AKAP12: variants seen among roughly 807,000 people sequenced by gnomAD.
The protein encoded by AKAP12 is A-kinase anchor protein 12.
Under a neutral mutation model 79.9 loss-of-function variants are expected in AKAP12, and 32 were observed. The observed-to-expected ratio is 0.40, with a 90% CI of 0.30 to 0.54. The LOEUF (loss-of-function observed/expected upper bound fraction) is 0.54, where lower values mean the gene tolerates loss of function less well. Among genes scored for constraint, AKAP12 ranks in the 20% least tolerant of loss-of-function variants. The pLI, the probability that AKAP12 is intolerant of heterozygous loss-of-function variation, is 0.48. For synonymous variants in AKAP12, 808 were observed against 857.0 expected, an observed-to-expected ratio of 0.94 and a Z score of 1.00; for missense variants, 2,074 against 2,177.0, an observed-to-expected ratio of 0.95 and a Z score of 0.94.
Position 151,290,608 on chromosome 6 carries a change from C to CT in AKAP12, c.163-15125dup, listed in dbSNP as rs146195150. Among the ~76,000 whole-genome samples, 958 of 143,722 alleles carry CT rather than the reference C, an allele frequency of 6.7e-3. 8 individuals are homozygous for CT. The highest frequency in any genetic ancestry group is 0.015 in the African/African-American group (594 of 39,378). The allele number at this position is 143,722 out of a possible 152,430, so 94.3% of individuals were successfully genotyped here. On this transcript the variant is annotated intron_variant, in intron 2 of 4. Coordinates refer to ENST00000402676, the MANE Select transcript of AKAP12 (RefSeq NM_005100.4). Reference sequence around the variant, plus strand: ...GATGGTTCCCAGCCTTCACCAGATTCTTTTTTTTTTTTTTGAGATGGAGTT... The same window carrying CT: ...GATGGTTCCCAGCCTTCACCAGATTCTTTTTTTTTTTTTTTGAGATGGAGTT...
intron 2 of AKAP12, among the ~76,000 whole-genome samples, chr6:151,274,188 C>T (rs1776248846): frequency 1.3e-5 from 2 of 152,040 alleles, no homozygotes; most frequent in Non-Finnish European, 2.9e-5. Flanking sequence ...CCTGTCACCT[C>T]AGCCTCCCAA....
chr6:151,258,269 T>C (rs1397778201), intron 2 of AKAP12, among the ~76,000 whole-genome samples: 1 of 152,214 alleles, frequency 6.6e-6, no homozygotes, highest in Non-Finnish European at 1.5e-5. Flanking sequence ...ATTCTTCCTC[T>C]GGCAAATACA....
In AKAP12 at chr6:151,264,527, C is replaced by T. The variant is rs142596716; in HGVS notation, c.162+23803C>T. ...CTCTACTAAAAATAGAAAAATTAGC[C>T]AGGTGTGGTGGCAGGCATCTGTAAT... is the stretch of plus-strand genomic sequence containing the variant. On this transcript the variant is annotated intron_variant, in intron 2 of 4. Transcript: ENST00000402676. Among the ~76,000 whole-genome samples the T allele has an allele frequency of 5.9e-3, 896 of 151,596 alleles. 5 individuals are homozygous for T. The highest frequency in any genetic ancestry group is 9.0e-3 in the Non-Finnish European group (613 of 67,890).
At chr6:151,264,197 G>C (rs1797499070) in intron 2 of AKAP12, among the ~76,000 whole-genome samples, 1 of 152,126 alleles carries the variant, frequency 6.6e-6, no homozygotes, top group Non-Finnish European at 1.5e-5. Flanking sequence ...AAGTGGAGCA[G>C]GGTGCGGCCT....
At chr6:151,306,679 A>G (rs1024889309) in intron 3 of AKAP12, among the ~76,000 whole-genome samples, 1 of 152,212 alleles carries the variant, frequency 6.6e-6, no homozygotes, top group Non-Finnish European at 1.5e-5. Context: ...CCTCACTTAG[A>G]TGAGATTCTT....
At chr6:151,331,927 C>T (rs988845993) in intron 3 of AKAP12, among the ~76,000 whole-genome samples, 31 of 150,988 alleles carry the variant, frequency 2.1e-4, no homozygotes, top group Non-Finnish European at 5.9e-5. Flanking sequence ...ACTAGTAGCA[C>T]GATCATAGCT....
intron 2 of AKAP12, among the ~76,000 whole-genome samples, chr6:151,250,250 G>A (rs1242528808): frequency 1.3e-5 from 2 of 152,056 alleles, no homozygotes; most frequent in East Asian, 3.9e-4. Flanking sequence ...TGTAATCCCA[G>A]CATTTGGGAG....
intron 3 of AKAP12, chr6:151,325,638 T>C (rs573497276): frequency 2.9e-6 from 4 of 1,374,654 alleles, no homozygotes; most frequent in Non-Finnish European, 1.9e-6. Flanking sequence ...TGGGTGGGGG[T>C]CCGCCTATAA....
chr6:151,307,562 A>G (rs1022108843), intron 3 of AKAP12, among the ~76,000 whole-genome samples: 7 of 152,188 alleles, frequency 4.6e-5, no homozygotes, highest in Non-Finnish European at 1.0e-4. Context: ...TGTAGGATGT[A>G]TAAGAGGAGG....
chr6:151,289,905 G>C (rs966793453), intron 2 of AKAP12, among the ~76,000 whole-genome samples: 1 of 152,188 alleles, frequency 6.6e-6, no homozygotes, highest in Non-Finnish European at 1.5e-5. Flanking sequence ...AATCCTTCAG[G>C]TGTGGAACTT....
At position 151,274,040 on chromosome 6, in the gene AKAP12, C is replaced by CA. The variant is rs559764404; in HGVS notation, c.163-31701dup. 5.9e-3 allele frequency among the ~76,000 whole-genome samples: 880 copies of CA among 148,044 alleles called. 12 individuals carry two copies. The highest frequency in any genetic ancestry group is 0.02 in the African/African-American group (807 of 40,620). ...CAAGACTCTGTCTCAAAAACAAAAA[C>CA]AAAAAAGAATGAGGTCAAAATGGTT... On this transcript the variant is annotated intron_variant, in intron 2 of 4. Transcript: ENST00000402676.
intron 3 of AKAP12, among the ~76,000 whole-genome samples, chr6:151,345,327 A>G (rs990178330): frequency 6.6e-6 from 1 of 151,648 alleles, no homozygotes; most frequent in Non-Finnish European, 1.5e-5. Flanking sequence ...CGCCCGCCTC[A>G]GCCTCCCAGA....
intron 2 of AKAP12, among the ~76,000 whole-genome samples, chr6:151,248,862 C>T (rs1361532253): frequency 6.6e-6 from 1 of 151,964 alleles, no homozygotes. Context: ...TGGTGTGTAC[C>T]TGTAATCCCA....
chr6:151,259,817 T>G (rs1332328963), intron 2 of AKAP12, among the ~76,000 whole-genome samples: 2 of 151,800 alleles, frequency 1.3e-5, no homozygotes, highest in African/African-American at 4.8e-5. Context: ...CCTCAAGTGA[T>G]CCACCTGCCT....
chr6:151,348,697 C>CCCCCCCTTT lies in AKAP12; in HGVS notation c.320-14_320-13insCCCCCCTTT. ...TTCTCTTCTCCCCACCCCCCCGCCC[C>CCCCCCCTTT]TTTTTGTTAATAGTTGGACAGAGAG... is the stretch of plus-strand genomic sequence containing the variant. On this transcript the variant is annotated splice_polypyrimidine_tract_variant and intron_variant, in intron 3 of 4. Transcript: ENST00000402676. 4 of 650,664 alleles carry CCCCCCCTTT rather than the reference C, an allele frequency of 6.1e-6. No individual in the cohort carries two copies. The highest frequency in any genetic ancestry group is 3.3e-5 in the Admixed American group (1 of 30,366). 40.3% of individuals were successfully genotyped at this position (650,664 alleles called of 1,614,324 possible). A position where few individuals can be genotyped will look rare whatever the true frequency, so the allele number is the denominator to read the frequency against.
chr6:151,273,557 C>T (rs1582848131), intron 2 of AKAP12, among the ~76,000 whole-genome samples: 1 of 152,172 alleles, frequency 6.6e-6, no homozygotes, highest in Non-Finnish European at 1.5e-5. Context: ...CTCATCTCTC[C>T]CTTTGTTTTC....
chr6:151,342,087 G>A (rs1285479702), intron 3 of AKAP12, among the ~76,000 whole-genome samples: 2 of 152,246 alleles, frequency 1.3e-5, no homozygotes, highest in African/African-American at 4.8e-5. Context: ...GCTGCGGTCA[G>A]CTGGGGAGGT....
chr6:151,258,058 C>T (rs531237801), intron 2 of AKAP12, among the ~76,000 whole-genome samples: 1 of 152,344 alleles, frequency 6.6e-6, no homozygotes, highest in African/African-American at 2.4e-5. Flanking sequence ...GGGCAAGCCA[C>T]TTATGCCTAC....
At chr6:151,280,223 A>G (rs980660368) in intron 2 of AKAP12, among the ~76,000 whole-genome samples, 4 of 152,076 alleles carry the variant, frequency 2.6e-5, no homozygotes, top group Admixed American at 1.3e-4. Flanking sequence ...ATTGACATTT[A>G]AGTTGATTCT....
Sources: allele counts gnomAD v4.1 joint callset (sites outside exome capture counted in the v4.1 genomes callset), GRCh38; gene constraint gnomAD v4.1.1; transcripts MANE v1.5; gene names NCBI Gene and HGNC (gene_info 2026-07-23, HGNC 2026-07-21).